OR6N1: variants seen among roughly 807,000 people sequenced by gnomAD.
OR6N1 encodes olfactory receptor 6N1.
For synonymous variants in OR6N1, 170 were observed against 150.7 expected (o/e 1.13, Z -0.94); for missense variants, 394 against 371.7 (o/e 1.06, Z -0.49).
the OR6N1 span, among the ~76,000 whole-genome samples, chr1:158,832,031 C>T: frequency 6.6e-6 from 1 of 152,228 alleles, no homozygotes; most frequent in East Asian, 1.9e-4. Context: ...ATTTTACAAG[C>T]ATTTACTCAA....
the OR6N1 span, among the ~76,000 whole-genome samples, chr1:158,821,063 C>A: frequency 6.6e-6 from 1 of 152,236 alleles, no homozygotes; most frequent in Non-Finnish European, 1.5e-5. Flanking sequence ...ACTAACAGGG[C>A]TGCTTACAAG....
chr1:158,792,503 C>T, the OR6N1 span, among the ~76,000 whole-genome samples: 1 of 152,100 alleles, frequency 6.6e-6, no homozygotes, highest in Non-Finnish European at 1.5e-5. Context: ...AGTTTCTATT[C>T]TGATGTGTAT....
chr1:158,802,008 T>G, the OR6N1 span, among the ~76,000 whole-genome samples: 4 of 152,072 alleles, frequency 2.6e-5, no homozygotes, highest in Non-Finnish European at 5.9e-5. Flanking sequence ...TTGCTATATG[T>G]TCTCTGGAGT....
the OR6N1 span, among the ~76,000 whole-genome samples, chr1:158,809,577 T>C: frequency 8.2e-4 from 125 of 152,244 alleles, no homozygotes; most frequent in African/African-American, 3.0e-3. Flanking sequence ...TTCTATGTTA[T>C]AATATTATGC....
At chr1:158,805,247 T>G in the OR6N1 span, among the ~76,000 whole-genome samples, 1 of 152,204 alleles carries the variant, frequency 6.6e-6, no homozygotes, top group African/African-American at 2.4e-5. Flanking sequence ...AAGTGAATGG[T>G]CTGATTATGC....
chr1:158,817,113 C>T, the OR6N1 span, among the ~76,000 whole-genome samples: 26,527 of 152,094 alleles, frequency 0.17, 2,567 homozygotes, highest in Admixed American at 0.26. Flanking sequence ...TCAAAGAGTA[C>T]GAAGGTTTTC....
chr1:158,817,920 C>T, the OR6N1 span, among the ~76,000 whole-genome samples: 3 of 152,186 alleles, frequency 2.0e-5, no homozygotes, highest in Non-Finnish European at 4.4e-5. Flanking sequence ...TCTGCTATAA[C>T]TCAGACCTTA....
At chr1:158,833,839 C>T in the OR6N1 span, among the ~76,000 whole-genome samples, 1 of 152,178 alleles carries the variant, frequency 6.6e-6, no homozygotes, top group Non-Finnish European at 1.5e-5. Context: ...TTTGAGATCA[C>T]ACTTTCACTT....
the OR6N1 span, among the ~76,000 whole-genome samples, chr1:158,832,107 G>T: frequency 9.9e-5 from 15 of 152,024 alleles, no homozygotes; most frequent in Non-Finnish European, 1.2e-4. Flanking sequence ...AGTGTAAGAA[G>T]AAATAATTCT....
chr1:158,802,085 G>A, the OR6N1 span, among the ~76,000 whole-genome samples: 1 of 151,862 alleles, frequency 6.6e-6, no homozygotes, highest in Non-Finnish European at 1.5e-5. Context: ...GAGAAGTAAA[G>A]CAGCCCTACT....
intron 1 of OR6N1, among the ~76,000 whole-genome samples, chr1:158,769,159 A>ATTTATT (rs1316431868): frequency 1.3e-5 from 2 of 150,432 alleles, no homozygotes; most frequent in Non-Finnish European, 2.9e-5. Context: ...AGAACACATA[A>ATTTATT]TTTATTATTA....
chr1:158,830,252 G>T, the OR6N1 span, among the ~76,000 whole-genome samples: 1 of 152,160 alleles, frequency 6.6e-6, no homozygotes, highest in Non-Finnish European at 1.5e-5. Context: ...CAGCATAAGA[G>T]AGAAACTGAA....
chr1:158,792,322 T>A, the OR6N1 span, among the ~76,000 whole-genome samples: 3 of 152,150 alleles, frequency 2.0e-5, no homozygotes, highest in East Asian at 5.8e-4. Context: ...AAAGCAGATA[T>A]GTGATTTGTG....
the OR6N1 span, among the ~76,000 whole-genome samples, chr1:158,812,599 T>A: frequency 6.6e-6 from 1 of 152,216 alleles, no homozygotes; most frequent in Non-Finnish European, 1.5e-5. Context: ...AGTGTCAACA[T>A]TTCATAATAT....
chr1:158,791,819 G>A, the OR6N1 span, among the ~76,000 whole-genome samples: 2 of 152,272 alleles, frequency 1.3e-5, no homozygotes, highest in South Asian at 4.1e-4. Flanking sequence ...CTATCATATA[G>A]TCTAGCTTGG....
the OR6N1 span, among the ~76,000 whole-genome samples, chr1:158,793,922 G>T: frequency 6.6e-6 from 1 of 152,126 alleles, no homozygotes; most frequent in East Asian, 1.9e-4. Flanking sequence ...AGCCACCACA[G>T]CTCTCCTTCC....
the OR6N1 span, among the ~76,000 whole-genome samples, chr1:158,823,333 T>A: frequency 1.3e-5 from 2 of 152,154 alleles, no homozygotes; most frequent in African/African-American, 2.4e-5. Context: ...TAAATCTGTC[T>A]GGTCTGAGGC....
the OR6N1 span, among the ~76,000 whole-genome samples, chr1:158,836,912 T>C: frequency 6.6e-6 from 1 of 151,878 alleles, no homozygotes; most frequent in African/African-American, 2.4e-5. Context: ...TGTGTTTCTA[T>C]ATAATTTCTC....
At position 158,765,950 on chromosome 1, in the gene OR6N1, A is replaced by G. The variant is rs857826; in HGVS notation, c.733T>C (p.Phe245Leu). The G allele has an allele frequency of 0.71, 1,143,940 of 1,613,514 alleles. 409,906 individuals carry two copies. The highest frequency in any genetic ancestry group is 0.78 in the Admixed American group (46,804 of 60,018). Residue 245 changes from phenylalanine to leucine, a missense_variant, in exon 2 of 2, where the codon TTC becomes CTC. Physicochemically the swap from Phe to Leu is conservative, Grantham distance 22. Coordinates refer to ENST00000641846, the MANE Select transcript of OR6N1 (RefSeq NM_001005185.2). Reference sequence around the variant, plus strand: ...CCATAGAAGATGAGAACCACAGTGAAGTGGGAGGCACACGTGGAGATGGCC... The same window carrying G: ...CCATAGAAGATGAGAACCACAGTGAGGTGGGAGGCACACGTGGAGATGGCC... ...RKAISTCASH[F>L]TVVLIFYGSI...
Sources: allele counts gnomAD v4.1 joint callset (sites outside exome capture counted in the v4.1 genomes callset), GRCh38; gene constraint gnomAD v4.1.1; transcripts MANE v1.5; gene names NCBI Gene and HGNC (gene_info 2026-07-23, HGNC 2026-07-21).